FBXW7: variants seen among roughly 807,000 people sequenced by gnomAD.
The protein encoded by FBXW7 is F-box and WD repeat domain containing 7.
A neutral mutation model predicts 86.3 loss-of-function variants in FBXW7; 11 were observed. The ratio of observed to expected loss-of-function variants is 0.13; its 90% CI spans 0.08 to 0.21. FBXW7 has a LOEUF of 0.21. FBXW7 is among the 10% of genes least tolerant of loss of function. The pLI, the probability that FBXW7 is intolerant of heterozygous loss-of-function variation, is 1.00. For synonymous variants in FBXW7, 313 were observed against 297.9 expected, an observed-to-expected ratio of 1.05 and a Z score of -0.52; for missense variants, 488 against 847.4, an observed-to-expected ratio of 0.58 and a Z score of 5.27.
chr4:152,358,593 T>C (rs1473264654), intron 4 of FBXW7, among the ~76,000 whole-genome samples: 1 of 151,816 alleles, frequency 6.6e-6, no homozygotes, highest in African/African-American at 2.4e-5. Flanking sequence ...GGATGTCATC[T>C]AATTCCTCTT....
intron 2 of FBXW7, among the ~76,000 whole-genome samples, chr4:152,467,021 A>C (rs1044237009): frequency 6.6e-6 from 1 of 152,216 alleles, no homozygotes; most frequent in Non-Finnish European, 1.5e-5. Context: ...CAAGAAAGAT[A>C]AGAACCTGAT....
chr4:152,532,944 T>G (rs1373858608), intron 2 of FBXW7, among the ~76,000 whole-genome samples: 3 of 152,208 alleles, frequency 2.0e-5, no homozygotes, highest in Non-Finnish European at 2.9e-5. Context: ...CCCAGCACTT[T>G]GGGAGGCCGA....
chr4:152,369,641 C>T (rs910299300), intron 4 of FBXW7, among the ~76,000 whole-genome samples: 4 of 151,836 alleles, frequency 2.6e-5, no homozygotes, highest in African/African-American at 7.3e-5. Flanking sequence ...TAAGACTGTT[C>T]GGTAATCTCA....
intron 2 of FBXW7, among the ~76,000 whole-genome samples, chr4:152,417,509 G>T (rs1328737821): frequency 1.3e-5 from 2 of 152,126 alleles, no homozygotes; most frequent in Non-Finnish European, 2.9e-5. Flanking sequence ...TGTAGTGAGG[G>T]ATGGCGGCGG....
chr4:152,387,133 T>C (rs972674768), intron 4 of FBXW7, among the ~76,000 whole-genome samples: 2 of 152,196 alleles, frequency 1.3e-5, no homozygotes, highest in Non-Finnish European at 2.9e-5. Context: ...CAAATTCAAA[T>C]TGACTTTATA....
intron 4 of FBXW7, among the ~76,000 whole-genome samples, chr4:152,410,977 C>G (rs1737892833): frequency 6.6e-6 from 1 of 152,096 alleles, no homozygotes; most frequent in Non-Finnish European, 1.5e-5. Context: ...TTACACAAAT[C>G]ATGTTTCACC....
chr4:152,421,644 A>T (rs780307317), intron 2 of FBXW7, among the ~76,000 whole-genome samples: 1 of 152,228 alleles, frequency 6.6e-6, no homozygotes, highest in African/African-American at 2.4e-5. Flanking sequence ...TGCTTTCAAC[A>T]TGCCTTCTTC....
At chr4:152,357,575 C>T (rs1283221799) in intron 4 of FBXW7, among the ~76,000 whole-genome samples, 2 of 152,088 alleles carry the variant, frequency 1.3e-5, no homozygotes, top group African/African-American at 4.8e-5. Context: ...CCCGCCTCAG[C>T]CTCCCAAGGT....
chr4:152,531,140 T>C (rs866887492), intron 2 of FBXW7, among the ~76,000 whole-genome samples: 2 of 152,162 alleles, frequency 1.3e-5, no homozygotes, highest in African/African-American at 4.8e-5. Flanking sequence ...GCAAAGTACA[T>C]GAAGTTACCA....
chr4:152,352,801 G>T, intron 4 of FBXW7: 1 of 1,579,276 alleles, frequency 6.3e-7, no homozygotes, highest in South Asian at 1.2e-5. Flanking sequence ...TATTGGAGGA[G>T]ACTATGCCCT....
intron 2 of FBXW7, among the ~76,000 whole-genome samples, chr4:152,414,539 T>C (rs1738260502): frequency 6.6e-6 from 1 of 152,166 alleles, no homozygotes; most frequent in Non-Finnish European, 1.5e-5. Context: ...ACAGTTCTGC[T>C]AACCTAACAA....
At chr4:152,480,648 T>C (rs1207529309) in intron 2 of FBXW7, among the ~76,000 whole-genome samples, 4 of 152,152 alleles carry the variant, frequency 2.6e-5, no homozygotes, top group Non-Finnish European at 4.4e-5. Flanking sequence ...GGAAATTAAA[T>C]GTGCTACTCC....
rs149666282 is a variant in FBXW7 at position 152,422,721 on chromosome 4, C to T, written c.-119-10192G>A. ...CCACACAGCAATTTGCCAGCGAGCC[C>T]AGAAGCTCCTCCAAGTGCTGATTCA... On this transcript the variant is annotated intron_variant, in intron 2 of 13. Transcript: ENST00000281708. Among the ~76,000 whole-genome samples the T allele has an allele frequency of 1.2e-3, 181 of 152,254 alleles. 1 individual carries two copies. Among genetic ancestry groups the T allele is most frequent in the African/African-American group, 4.1e-3 (171 of 41,552 alleles).
intron 2 of FBXW7, among the ~76,000 whole-genome samples, chr4:152,461,454 T>A (rs1579266394): frequency 6.6e-6 from 1 of 152,310 alleles, no homozygotes; most frequent in South Asian, 2.1e-4. Flanking sequence ...TTTTCCCAAC[T>A]ATTTTTGATC....
chr4:152,529,644 C>T (rs1459309330), intron 2 of FBXW7, among the ~76,000 whole-genome samples: 1 of 152,090 alleles, frequency 6.6e-6, no homozygotes, highest in Non-Finnish European at 1.5e-5. Flanking sequence ...TTCTGAACAA[C>T]ACATGTGAGA....
At position 152,411,662 on chromosome 4, in the gene FBXW7, G is replaced by C. The variant is rs1242496512; in HGVS notation, c.142C>G (p.Gln48Glu). Residue 48 changes from glutamine to glutamate, a missense_variant, in exon 4 of 14, where the codon CAA becomes GAA. This residue lies in a region of FBXW7 where 230 missense variants were observed against 240.0 expected (regional missense o/e 0.96). Coordinates refer to ENST00000281708, the MANE Select transcript of FBXW7 (RefSeq NM_001349798.2). ...TTCCTTGCAGTGTGCTCCTCCTCTT[G>C]TTGTCTGAGTTGCTGTTGCTGTTCC... ...EEEQQQQLRQ[Q>E]EEEHTARNGE... The C allele has an allele frequency of 6.2e-7, 1 of 1,613,860 alleles. No individual in the cohort carries two copies. The highest frequency in any genetic ancestry group is 1.1e-5 in the South Asian group (1 of 91,056).
At chr4:152,474,703 G>C (rs189620077) in intron 2 of FBXW7, among the ~76,000 whole-genome samples, 1 of 152,190 alleles carries the variant, frequency 6.6e-6, no homozygotes, top group East Asian at 1.9e-4. Context: ...GAGTCTCACT[G>C]TTGCCAGGCT....
chr4:152,373,925 G>A (rs1313130106), intron 4 of FBXW7, among the ~76,000 whole-genome samples: 1 of 152,028 alleles, frequency 6.6e-6, no homozygotes, highest in Admixed American at 6.6e-5. Flanking sequence ...TGCATGATGT[G>A]TGAAACATTC....
chr4:152,339,987 A>T (rs1730563097), intron 6 of FBXW7, among the ~76,000 whole-genome samples: 1 of 151,256 alleles, frequency 6.6e-6, no homozygotes, highest in South Asian at 2.1e-4. Context: ...TTTGGAGGAT[A>T]GGGTGTAGAA....
Sources: gnomAD v4.1 joint callset for allele counts (sites outside exome capture counted in the v4.1 genomes callset) on GRCh38, gnomAD v4.1.1 for gene constraint, gnomAD v4.1.1 regional missense constraint, MANE v1.5 for transcripts, NCBI Gene and HGNC (gene_info 2026-07-23, HGNC 2026-07-21) for gene names.